The following FOXK1 variants were observed in gnomAD, a reference collection of about 807,000 sequenced individuals.
FOXK1 encodes the protein forkhead box K1.
In FOXK1, 19 loss-of-function variants were observed where a neutral mutation model predicts 51.9. The observed-to-expected ratio is 0.37, with a 90% CI of 0.26 to 0.54. FOXK1 has a LOEUF of 0.54. Ranked by LOEUF, FOXK1 falls within the 20% of genes least tolerant of loss-of-function variation. FOXK1 has a pLI of 0.87. For synonymous variants in FOXK1, 537 were observed against 482.6 expected (o/e 1.11, Z -1.48); for missense variants, 870 against 1,032.7 (o/e 0.84, Z 2.16).
At chr7:4,739,461 T>C (rs1473498310) in intron 1 of FOXK1, among the ~76,000 whole-genome samples, 1 of 152,270 alleles carries the variant, frequency 6.6e-6, no homozygotes, top group Non-Finnish European at 1.5e-5. Context: ...AGCAACTTGA[T>C]AGTTGCTGCC....
At chr7:4,704,923 C>G (rs1562372390) in intron 1 of FOXK1, among the ~76,000 whole-genome samples, 1 of 151,008 alleles carries the variant, frequency 6.6e-6, no homozygotes, top group Non-Finnish European at 1.5e-5. Flanking sequence ...CCTCCACCTC[C>G]CTGGTTCAAG....
At position 4,753,493 on chromosome 7, in the gene FOXK1, C is replaced by T. The variant is rs750641729; in HGVS notation, c.747-966C>T. Among the ~76,000 whole-genome samples, 10 of 152,054 alleles carry T rather than the reference C, an allele frequency of 6.6e-5. No homozygotes were observed. Among genetic ancestry groups the T allele is most frequent in the African/African-American group, 1.9e-4 (8 of 41,400 alleles). On this transcript the variant is annotated intron_variant, in intron 2 of 8. Coordinates refer to ENST00000328914, the MANE Select transcript of FOXK1 (RefSeq NM_001037165.2). The surrounding 1 kb of genome is among the most constrained non-coding windows in gnomAD (Gnocchi z 4.9). ...GAGCATCCTACCCGCCACGGGGGCT[C>T]TAAGTCAGCTGAGAGGGGGGATGTC...
intron 1 of FOXK1, among the ~76,000 whole-genome samples, chr7:4,690,231 C>T (rs1045208438): frequency 2.1e-5 from 3 of 143,672 alleles, no homozygotes; most frequent in Admixed American, 6.8e-5. Flanking sequence ...GGTTTTGAAC[C>T]GGAGCTGGGG....
chr7:4,706,500 C>T (rs941283067), intron 1 of FOXK1, among the ~76,000 whole-genome samples: 1 of 152,046 alleles, frequency 6.6e-6, no homozygotes, highest in East Asian at 1.9e-4. Flanking sequence ...GGGGGCCCAT[C>T]GGAGACAGTC....
intron 1 of FOXK1, among the ~76,000 whole-genome samples, chr7:4,712,586 A>C (rs1780188402): frequency 6.6e-6 from 1 of 152,110 alleles, no homozygotes; most frequent in South Asian, 2.1e-4. Context: ...GAATCAAACC[A>C]CCGCTCTCTG....
In FOXK1 at chr7:4,769,704, G is replaced by A. The variant is rs1029911270; in HGVS notation, c.*7240G>A. On this transcript the variant is annotated 3_prime_UTR_variant, in exon 9 of 9. Coordinates refer to ENST00000328914, the MANE Select transcript of FOXK1 (RefSeq NM_001037165.2). This position sits in a 1 kb window ranked among gnomAD's most constrained non-coding sequence, Gnocchi z 4.1. ...GATCTGCCCACCTCAACCTCCCAAA[G>A]TGCTGGGATTATAGGCATGAGCCAC... 6.6e-6 allele frequency: 1 copy of A among 152,278 alleles called. No homozygotes were observed. Among genetic ancestry groups the A allele is most frequent in the Admixed American group, 6.5e-5 (1 of 15,280 alleles). The allele number at this position is 152,278 out of a possible 1,614,324, so 9.4% of individuals were successfully genotyped here.
chr7:4,760,729 T>A (rs947064154), intron 7 of FOXK1, among the ~76,000 whole-genome samples: 1 of 152,060 alleles, frequency 6.6e-6, no homozygotes, highest in Non-Finnish European at 1.5e-5. Flanking sequence ...CAGGCGCCTG[T>A]AGTCCCAGCT....
Position 4,733,493 on chromosome 7 carries a change from G to T in FOXK1, c.561-7345G>T, listed in dbSNP as rs758913634. The stretch of plus-strand genomic sequence containing the variant: ...GTTGGGAAGGGGAGGAGTGAAGAAG[G>T]CCCTTGGTTCCTCATATAGACATGA... On this transcript the variant is annotated intron_variant, in intron 1 of 8. Transcript: ENST00000328914. This position sits in a 1 kb window ranked among gnomAD's most constrained non-coding sequence, Gnocchi z 5.0. Among the ~76,000 whole-genome samples the T allele has an allele frequency of 1.3e-4, 20 of 152,338 alleles. No homozygotes were observed. The highest frequency in any genetic ancestry group is 2.6e-4 in the Non-Finnish European group (18 of 68,034).
intron 1 of FOXK1, among the ~76,000 whole-genome samples, chr7:4,727,581 C>A (rs1386338524): frequency 1.3e-5 from 2 of 152,194 alleles, no homozygotes; most frequent in African/African-American, 4.8e-5. Context: ...TCCCAAAGTA[C>A]TGGGATTACA....
intron 1 of FOXK1, among the ~76,000 whole-genome samples, chr7:4,728,318 A>G (rs1388842625): frequency 6.6e-6 from 1 of 152,174 alleles, no homozygotes; most frequent in Non-Finnish European, 1.5e-5. Flanking sequence ...GGTTTTTGGA[A>G]TTTCCAAAGA....
At chr7:4,686,439 A>C (rs978470179) in intron 1 of FOXK1, among the ~76,000 whole-genome samples, 1 of 152,196 alleles carries the variant, frequency 6.6e-6, no homozygotes, top group Admixed American at 6.5e-5. Context: ...GGTGGGGGAA[A>C]AAAAAGACTT....
At chr7:4,727,700 C>G (rs180768897) in intron 1 of FOXK1, among the ~76,000 whole-genome samples, 29 of 152,390 alleles carry the variant, frequency 1.9e-4, no homozygotes, top group African/African-American at 6.7e-4. Context: ...CTGCGGCAGA[C>G]TGGGCCCTGT....
In FOXK1 at chr7:4,762,735, T is replaced by G; in HGVS notation, c.*271T>G. The G allele has an allele frequency of 2.2e-6, 1 of 447,048 alleles. No homozygotes were observed. Among genetic ancestry groups the G allele is most frequent in the Non-Finnish European group, 4.1e-6 (1 of 243,446 alleles). 27.7% of individuals were successfully genotyped at this position (447,048 alleles called of 1,614,324 possible). On this transcript the variant is annotated 3_prime_UTR_variant, in exon 9 of 9. Coordinates refer to ENST00000328914, the MANE Select transcript of FOXK1 (RefSeq NM_001037165.2). This position sits in a 1 kb window ranked among gnomAD's most constrained non-coding sequence, Gnocchi z 5.7. ...CCTTCTCCCTCGGCACCACCTCCTC[T>G]CCCCAGGCCTCCCTGTCGGGCATGG...
chr7:4,727,860 G>A (rs1452253956), intron 1 of FOXK1, among the ~76,000 whole-genome samples: 1 of 152,196 alleles, frequency 6.6e-6, no homozygotes, highest in Non-Finnish European at 1.5e-5. Context: ...ACCTCTCCTG[G>A]GACTGTCCGT....
chr7:4,762,416 T>C lies in FOXK1; in HGVS notation c.2154T>C (p.Ala718=). ...EEPSGAVTTP[A]GVIAAAGPQG... ...CCAGTGGTGCTGTAACCACACCGGC[T>C]GGAGTGATCGCAGCTGCCGGCCCCC... The change falls in exon 9 of 9, where the codon GCT becomes GCC. Residue 718 remains alanine (A), a synonymous_variant. Coordinates refer to ENST00000328914, the MANE Select transcript of FOXK1 (RefSeq NM_001037165.2). This position sits in a 1 kb window ranked among gnomAD's most constrained non-coding sequence, Gnocchi z 5.7. 6.5e-7 allele frequency: 1 copy of C among 1,549,238 alleles called. No homozygotes were observed. Among genetic ancestry groups the C allele is most frequent in the Non-Finnish European group, 8.7e-7 (1 of 1,146,996 alleles).
At chr7:4,737,243 G>A (rs532741460) in intron 1 of FOXK1, among the ~76,000 whole-genome samples, 26 of 152,304 alleles carry the variant, frequency 1.7e-4, no homozygotes, top group Admixed American at 3.9e-4. Context: ...GGACTTTCAC[G>A]ACACAGAAAG....
intron 1 of FOXK1, among the ~76,000 whole-genome samples, chr7:4,705,986 ATATATACG>A (rs1562373044): frequency 9.5e-5 from 10 of 104,980 alleles, no homozygotes; most frequent in African/African-American, 5.3e-4. Context: ...ATATATACGT[ATATATACG>A]TATATATACG....
chr7:4,758,699 C>A lies in FOXK1; in HGVS notation c.1245-352C>A. ...GTTTTCATGGTGGAACGGTTGCGCCCACCAAACAGAAGCTTATGTTTTTGG... is the reference window on the plus strand; with the variant it reads ...GTTTTCATGGTGGAACGGTTGCGCCAACCAAACAGAAGCTTATGTTTTTGG... On this transcript the variant is annotated intron_variant, in intron 5 of 8. Coordinates refer to ENST00000328914, the MANE Select transcript of FOXK1 (RefSeq NM_001037165.2). This position sits in a 1 kb window ranked among gnomAD's most constrained non-coding sequence, Gnocchi z 4.4. 3.8e-6 allele frequency: 1 copy of A among 264,574 alleles called. No individual in the cohort carries two copies. The highest frequency in any genetic ancestry group is 7.1e-6 in the Non-Finnish European group (1 of 140,238). 16.4% of individuals were successfully genotyped at this position (264,574 alleles called of 1,614,324 possible).
At chr7:4,701,189 C>A (rs564421071) in intron 1 of FOXK1, among the ~76,000 whole-genome samples, 1 of 152,232 alleles carries the variant, frequency 6.6e-6, no homozygotes, top group Non-Finnish European at 1.5e-5. Context: ...CAGAGCTAAA[C>A]AGCAGGGGTT....
Sources: allele counts gnomAD v4.1 joint callset (sites outside exome capture counted in the v4.1 genomes callset), GRCh38; gene constraint gnomAD v4.1.1; non-coding constraint Gnocchi (gnomAD v3.1); transcripts MANE v1.5; gene names NCBI Gene and HGNC (gene_info 2026-07-23, HGNC 2026-07-21).